NALCN: variants seen among roughly 807,000 people sequenced by gnomAD.
The protein encoded by NALCN is sodium leak channel, non-selective.
A neutral mutation model predicts 225.3 loss-of-function variants in NALCN; 111 were observed. The observed-to-expected ratio is 0.49, with a 90% CI of 0.42 to 0.58. The LOEUF (loss-of-function observed/expected upper bound fraction) is 0.58. Among genes scored for constraint, NALCN ranks in the 20% least tolerant of loss-of-function variants. The pLI, the probability that NALCN is intolerant of heterozygous loss-of-function variation, is 0.00. For synonymous variants in NALCN, 764 were observed against 769.0 expected, an observed-to-expected ratio of 0.99 and a Z score of 0.11; for missense variants, 1,378 against 2,202.4, an observed-to-expected ratio of 0.63 and a Z score of 7.49.
intron 7 of NALCN, among the ~76,000 whole-genome samples, chr13:101,333,916 A>G (rs1594694260): frequency 6.6e-6 from 1 of 152,222 alleles, no homozygotes; most frequent in Non-Finnish European, 1.5e-5. Context: ...TCAAACGAAC[A>G]GTGAAATTAG....
chr13:101,125,099 C>T (rs1215520191), intron 17 of NALCN, among the ~76,000 whole-genome samples: 1 of 152,182 alleles, frequency 6.6e-6, no homozygotes, highest in East Asian at 1.9e-4. Context: ...GTTTTGCTTG[C>T]AGGTGTGGGG....
chr13:101,246,567 T>C (rs2041904635), intron 11 of NALCN, among the ~76,000 whole-genome samples: 1 of 152,216 alleles, frequency 6.6e-6, no homozygotes, highest in Non-Finnish European at 1.5e-5. Context: ...AGATGGATGG[T>C]TGAGAAGTCC....
intron 34 of NALCN, among the ~76,000 whole-genome samples, chr13:101,080,581 A>AATTTAATTATATAAT (rs1566791330): frequency 5.4e-4 from 78 of 143,516 alleles, no homozygotes; most frequent in African/African-American, 1.8e-3. Flanking sequence ...AAATAATTAT[A>AATTTAATTATATAAT]TAATTAAATA....
chr13:101,353,177 T>G (rs543411827), intron 6 of NALCN, among the ~76,000 whole-genome samples: 39 of 152,206 alleles, frequency 2.6e-4, no homozygotes, highest in Non-Finnish European at 4.4e-4. Flanking sequence ...AGACACAGAC[T>G]CTTTTGCACT....
chr13:101,089,820 T>G lies in NALCN; in HGVS notation c.3390+26A>C. 6.2e-7 allele frequency: 1 copy of G among 1,614,052 alleles called. No homozygotes were observed. The highest frequency in any genetic ancestry group is 8.5e-7 in the Non-Finnish European group (1 of 1,179,938). ...CAAATGAAAGCTGCTCTTGAAGTGTTCAAAGGATTCGATGTGCTCGCTTAC... is the reference window on the plus strand; with the variant it reads ...CAAATGAAAGCTGCTCTTGAAGTGTGCAAAGGATTCGATGTGCTCGCTTAC... On this transcript the variant is annotated intron_variant, in intron 29 of 43. Coordinates refer to ENST00000251127, the MANE Select transcript of NALCN (RefSeq NM_052867.4). The surrounding 1 kb of genome is among the most constrained non-coding windows in gnomAD (Gnocchi z 4.7).
rs140995566 is a variant in NALCN, at chr13:101,274,921, T to C, written c.1134+9012A>G. 9.2e-5 allele frequency among the ~76,000 whole-genome samples: 14 copies of C among 152,194 alleles called. No individual in the cohort carries two copies. The East Asian group carries it at 2.3e-3, about 25-fold the overall frequency. On this transcript the variant is annotated intron_variant, in intron 10 of 43. Transcript: ENST00000251127. ...AAGAGTTGTGTCCTCTCTCCTCCCATTCCATGAAGCTAAGGAGGGTGGTTG... is the reference window on the plus strand; with the variant it reads ...AAGAGTTGTGTCCTCTCTCCTCCCACTCCATGAAGCTAAGGAGGGTGGTTG...
chr13:101,268,521 A>T (rs2042670807), intron 10 of NALCN, among the ~76,000 whole-genome samples: 1 of 151,856 alleles, frequency 6.6e-6, no homozygotes, highest in Non-Finnish European at 1.5e-5. Context: ...TAGCTTTGTT[A>T]CTCTAGTCTG....
At chr13:101,266,702 A>T (rs78467529) in intron 10 of NALCN, among the ~76,000 whole-genome samples, 4,675 of 152,352 alleles carry the variant, frequency 0.031, 100 homozygotes, top group Non-Finnish European at 0.047. Flanking sequence ...CAATTACATG[A>T]TGAAATTCTC....
chr13:101,104,798 CA>C lies in NALCN; in HGVS notation c.2636+95del. The C allele has an allele frequency of 1.3e-6, 2 of 1,556,752 alleles. No individual in the cohort carries two copies. Among genetic ancestry groups the C allele is most frequent in the Non-Finnish European group, 1.8e-6 (2 of 1,133,870 alleles). On this transcript the variant is annotated intron_variant, in intron 23 of 43. Coordinates refer to ENST00000251127, the MANE Select transcript of NALCN (RefSeq NM_052867.4). This position sits in a 1 kb window ranked among gnomAD's most constrained non-coding sequence, Gnocchi z 4.2. Reference sequence around the variant, plus strand: ...TCATCTATTTCATAGCACTATATAGCAAGAAAATAAAAGAGAATTTTAATCG... The same window carrying C: ...TCATCTATTTCATAGCACTATATAGCAGAAAATAAAAGAGAATTTTAATCG...
At chr13:101,191,320 A>C (rs915097688) in intron 14 of NALCN, among the ~76,000 whole-genome samples, 1 of 152,024 alleles carries the variant, frequency 6.6e-6, no homozygotes, top group Admixed American at 6.5e-5. Context: ...AGTATATTGA[A>C]GAGAAAAATC....
chr13:101,288,510 T>G (rs1194939176), intron 9 of NALCN, among the ~76,000 whole-genome samples: 2 of 152,194 alleles, frequency 1.3e-5, no homozygotes, highest in African/African-American at 2.4e-5. Flanking sequence ...TAACCCATAT[T>G]CTAAGAATGT....
intron 6 of NALCN, among the ~76,000 whole-genome samples, chr13:101,354,201 G>A (rs991859386): frequency 1.3e-5 from 2 of 152,184 alleles, no homozygotes; most frequent in Admixed American, 1.3e-4. Flanking sequence ...AAATTAGCCA[G>A]GTTTGGTAGC....
At chr13:101,076,044 A>T in intron 34 of NALCN, 103 bp from the exon 35 acceptor site, 1 of 818,944 alleles carries the variant, frequency 1.2e-6, no homozygotes, top group Admixed American at 2.9e-5. Context: ...AATTAGCTTA[A>T]TATGTGTAAA....
chr13:101,073,272 C>T (rs1246609458), intron 37 of NALCN, among the ~76,000 whole-genome samples: 1 of 151,988 alleles, frequency 6.6e-6, no homozygotes, highest in Non-Finnish European at 1.5e-5. Context: ...CCACTGAACA[C>T]ATTAAATTAA....
At chr13:101,223,732 G>T (rs2140115859) in intron 13 of NALCN, among the ~76,000 whole-genome samples, 2 of 152,180 alleles carry the variant, frequency 1.3e-5, no homozygotes, top group South Asian at 2.1e-4. Context: ...TAAAAATTCA[G>T]GTGCTCTCAC....
Position 101,081,731 on chromosome 13 carries a change from T to C in NALCN, c.3766-85A>G, listed in dbSNP as rs2033664008. ...ATTAACTTGAGATGCATTATGTGTA[T>C]GTATTTTTTTCAAATGAAGAAAATT... On this transcript the variant is annotated intron_variant, in intron 33 of 43. Transcript: ENST00000251127. 5 of 1,498,570 alleles carry C rather than the reference T, an allele frequency of 3.3e-6. No homozygotes were observed. The Admixed American group carries it at 9.0e-5, about 27-fold the overall frequency. The allele number at this position is 1,498,570 out of a possible 1,614,324, so 92.8% of individuals were successfully genotyped here.
chr13:101,208,918 CT>C (rs961994647), intron 13 of NALCN, among the ~76,000 whole-genome samples: 11 of 152,212 alleles, frequency 7.2e-5, no homozygotes, highest in African/African-American at 2.7e-4. Context: ...AATTAAACCT[CT>C]TTGCTTTAGA....
At chr13:101,345,084 T>C (rs1488609535) in intron 7 of NALCN, among the ~76,000 whole-genome samples, 182 bp downstream of exon 7, 1 of 152,200 alleles carries the variant, frequency 6.6e-6, no homozygotes, top group Non-Finnish European at 1.5e-5. Flanking sequence ...CATACACAGC[T>C]TGTATGCTAC....
intron 1 of NALCN, among the ~76,000 whole-genome samples, chr13:101,415,970 GC>G (rs1424323455): frequency 6.6e-6 from 1 of 152,070 alleles, no homozygotes; most frequent in Non-Finnish European, 1.5e-5. Flanking sequence ...CCGAGGTGTC[GC>G]CGGCCCTGGG....
Sources: allele counts gnomAD v4.1 joint callset (sites outside exome capture counted in the v4.1 genomes callset), GRCh38; gene constraint gnomAD v4.1.1; non-coding constraint Gnocchi (gnomAD v3.1); transcripts MANE v1.5; gene names NCBI Gene and HGNC (gene_info 2026-07-23, HGNC 2026-07-21).